FBXL4: variants seen among roughly 807,000 people sequenced by gnomAD.
FBXL4 encodes F-box/LRR-repeat protein 4.
Under a neutral mutation model 58.9 loss-of-function variants are expected in FBXL4, and 40 were observed. The observed-to-expected ratio is 0.68, with a 90% CI of 0.53 to 0.88. The LOEUF (loss-of-function observed/expected upper bound fraction) is 0.88, where lower values mean the gene tolerates loss of function less well. Among genes scored for constraint, FBXL4 ranks in the 40% least tolerant of loss-of-function variants. The probability of loss-of-function intolerance (pLI) is 0.00; values close to 1 mark genes in which losing one functional copy is unlikely to be tolerated. For synonymous variants in FBXL4, 263 were observed against 265.5 expected (o/e 0.99, Z 0.09); for missense variants, 676 against 734.4 (o/e 0.92, Z 0.92).
Position 98,874,166 on chromosome 6 carries a change from C to A in FBXL4, c.*112G>T. ...ACAATTTCATATTTTTCTTTAAAAT[C>A]TACAAATGTCTTAATTCTTACCATT... is the stretch of plus-strand genomic sequence containing the variant. On this transcript the variant is annotated 3_prime_UTR_variant, in exon 10 of 10. Transcript: ENST00000369244. The A allele has an allele frequency of 1.3e-6, 1 of 757,890 alleles. No homozygotes were observed. The highest frequency in any genetic ancestry group is 3.9e-4 in the Middle Eastern group (1 of 2,554). 46.9% of individuals were successfully genotyped at this position (757,890 alleles called of 1,614,324 possible).
In FBXL4 at chr6:98,905,417, T is replaced by C; in HGVS notation, c.1103+9A>G. The C allele has an allele frequency of 1.2e-6, 2 of 1,612,620 alleles. No homozygotes were observed. The highest frequency in any genetic ancestry group is 2.2e-5 in the South Asian group (2 of 91,032). On this transcript the variant is annotated intron_variant, in intron 6 of 9. Transcript: ENST00000369244. The stretch of plus-strand genomic sequence containing the variant: ...GGGGAAAAAAACTTCATCAAGGCTT[T>C]GTACTAACCTGCTAAATCCTGCAAC...
intron 7 of FBXL4, among the ~76,000 whole-genome samples, chr6:98,887,124 G>A (rs1771067600): frequency 6.6e-6 from 1 of 152,086 alleles, no homozygotes; most frequent in Non-Finnish European, 1.5e-5. Flanking sequence ...AAATTAGCCA[G>A]GAATAGTGGC....
intron 5 of FBXL4, among the ~76,000 whole-genome samples, chr6:98,910,814 C>A (rs551480311): frequency 6.6e-6 from 1 of 152,296 alleles, no homozygotes; most frequent in South Asian, 2.1e-4. Flanking sequence ...CAGGGAGTGC[C>A]AGATAGTGGG....
At chr6:98,939,806 G>T (rs916723764) in intron 1 of FBXL4, among the ~76,000 whole-genome samples, 1 of 152,212 alleles carries the variant, frequency 6.6e-6, no homozygotes, top group African/African-American at 2.4e-5. Flanking sequence ...TGAAAAATAC[G>T]TGAGAATCAC....
At chr6:98,907,425 C>G (rs1346765851) in intron 5 of FBXL4, among the ~76,000 whole-genome samples, 1 of 152,154 alleles carries the variant, frequency 6.6e-6, no homozygotes. Context: ...AATAAGGGGT[C>G]TGCTTAAGGC....
At chr6:98,878,171 C>T (rs1316283672) in intron 8 of FBXL4, among the ~76,000 whole-genome samples, 1 of 152,192 alleles carries the variant, frequency 6.6e-6, no homozygotes, top group Non-Finnish European at 1.5e-5. Context: ...AAAGTCAGCA[C>T]AGTGCTCTAT....
chr6:98,947,777 G>C (rs934501032), intron 1 of FBXL4, 29 bp downstream of exon 1: 4 of 152,194 alleles, frequency 2.6e-5, no homozygotes, highest in African/African-American at 9.7e-5. Flanking sequence ...AGAGACCCAC[G>C]GGAGGGAGAA....
chr6:98,943,215 C>G (rs1773496225), intron 1 of FBXL4, among the ~76,000 whole-genome samples: 1 of 151,786 alleles, frequency 6.6e-6, no homozygotes, highest in Non-Finnish European at 1.5e-5. Context: ...TTTCTTACAA[C>G]TGTATATGAA....
intron 3 of FBXL4, 121 bp from the exon 4 acceptor site, chr6:98,927,181 G>T: frequency 3.9e-6 from 2 of 510,144 alleles, no homozygotes; most frequent in Non-Finnish European, 6.7e-6. Flanking sequence ...AAAAAAACAA[G>T]TTTTAAAATA....
intron 4 of FBXL4, among the ~76,000 whole-genome samples, chr6:98,923,203 CAT>C (rs962993491): frequency 6.6e-6 from 1 of 152,014 alleles, no homozygotes; most frequent in Non-Finnish European, 1.5e-5. Flanking sequence ...TGGGACTTCA[CAT>C]GATATTGCAT....
intron 7 of FBXL4, among the ~76,000 whole-genome samples, chr6:98,894,214 A>G (rs367685473): frequency 2.0e-4 from 31 of 152,176 alleles, no homozygotes; most frequent in African/African-American, 5.1e-4. Flanking sequence ...ATACATCATC[A>G]TGTATGGTTA....
chr6:98,875,191 C>T, intron 9 of FBXL4: 1 of 542,318 alleles, frequency 1.8e-6, no homozygotes, highest in Non-Finnish European at 3.3e-6. Context: ...TTTACAGTTT[C>T]AACTATAAAA....
chr6:98,930,391 A>G (rs1772969615), intron 2 of FBXL4, among the ~76,000 whole-genome samples: 1 of 152,242 alleles, frequency 6.6e-6, no homozygotes, highest in South Asian at 2.1e-4. Flanking sequence ...ACTGCACTCC[A>G]GCCTGGGTGA....
At chr6:98,889,198 A>G (rs1771138049) in intron 7 of FBXL4, among the ~76,000 whole-genome samples, 1 of 152,230 alleles carries the variant, frequency 6.6e-6, no homozygotes, top group African/African-American at 2.4e-5. Flanking sequence ...GCATGCTTAT[A>G]GCATCAGGGT....
At chr6:98,945,995 AG>A (rs1234386969) in intron 1 of FBXL4, among the ~76,000 whole-genome samples, 1 of 152,212 alleles carries the variant, frequency 6.6e-6, no homozygotes, top group Non-Finnish European at 1.5e-5. Flanking sequence ...AAAATTTTAA[AG>A]GGGGGAGGGA....
chr6:98,906,369 T>C (rs1188388659), intron 5 of FBXL4, among the ~76,000 whole-genome samples: 3 of 149,922 alleles, frequency 2.0e-5, no homozygotes, highest in Admixed American at 1.3e-4. Context: ...CCCCTGCCTG[T>C]GTCCAGGTGT....
chr6:98,926,869 T>C lies in FBXL4; in HGVS notation c.120A>G (p.Ser40=). ...CATTGAGAGGGGAAGTCTGGCTGTT[T>C]GATTCTATAGCTCTATGGGTGTTCA... The part of the protein sequence containing the change: ...EMMNTHRAIE[S]NSQTSPLNAE... The change falls in exon 4 of 10, where the codon TCA becomes TCG. Residue 40 remains serine, a synonymous_variant. Coordinates refer to ENST00000369244, the MANE Select transcript of FBXL4 (RefSeq NM_001278716.2). 3 of 1,614,192 alleles carry C rather than the reference T, an allele frequency of 1.9e-6. No homozygotes were observed. Among genetic ancestry groups the C allele is most frequent in the Non-Finnish European group, 2.5e-6 (3 of 1,180,028 alleles).
chr6:98,927,049 T>G lies in FBXL4; in HGVS notation c.-61A>C. The G allele has an allele frequency of 6.7e-7, 1 of 1,500,572 alleles. No homozygotes were observed. The highest frequency in any genetic ancestry group is 9.0e-7 in the Non-Finnish European group (1 of 1,109,940). The allele number at this position is 1,500,572 out of a possible 1,614,324, so 93.0% of individuals were successfully genotyped here. On this transcript the variant is annotated 5_prime_UTR_variant, in exon 4 of 10. Transcript: ENST00000369244. ...GTCCTCAGTAAGATGCATGAACTCT[T>G]TGAAGGATGTTCTAAAAAAATGAAT...
chr6:98,899,596 G>A lies in FBXL4; in HGVS notation c.1104-115C>T, dbSNP rs911326211. ...TTTGAAAGAATAGATTTCTATTAGG[G>A]AAAATGTAAAATTTGTTTTGCTTAA... On this transcript the variant is annotated intron_variant, in intron 6 of 9. Coordinates refer to ENST00000369244, the MANE Select transcript of FBXL4 (RefSeq NM_001278716.2). 1.7e-5 allele frequency: 21 copies of A among 1,234,584 alleles called. No individual in the cohort carries two copies. The African/African-American group carries it at 2.1e-4, about 13-fold the overall frequency. 76.5% of individuals were successfully genotyped at this position (1,234,584 alleles called of 1,614,324 possible).
Sources: allele counts gnomAD v4.1 joint callset (sites outside exome capture counted in the v4.1 genomes callset), GRCh38; gene constraint gnomAD v4.1.1; transcripts MANE v1.5; gene names NCBI Gene and HGNC (gene_info 2026-07-23, HGNC 2026-07-21).